The following ACP7 variants were observed in gnomAD, a reference collection of about 807,000 sequenced individuals.
The protein encoded by ACP7 is acid phosphatase type 7.
In ACP7, 58 loss-of-function variants were observed where a neutral mutation model predicts 60.6. The ratio of observed to expected loss-of-function variants is 0.96; its 90% CI spans 0.77 to 1.19. The LOEUF (loss-of-function observed/expected upper bound fraction) is 1.19. Ranked by LOEUF, ACP7 falls within the 50% of genes most tolerant of loss-of-function variation. ACP7 has a pLI of 0.00. For synonymous variants in ACP7, 237 were observed against 232.6 expected (o/e 1.02, Z -0.17); for missense variants, 574 against 596.2 (o/e 0.96, Z 0.39).
chr19:39,084,373 C>A lies in ACP7; in HGVS notation c.-206C>A, dbSNP rs2073116020. 2 of 152,370 alleles carry A rather than the reference C, an allele frequency of 1.3e-5. No homozygotes were observed. The highest frequency in any genetic ancestry group is 2.1e-4 in the South Asian group (1 of 4,848). The allele number at this position is 152,370 out of a possible 1,614,324, so 9.4% of individuals were successfully genotyped here. A position where few individuals can be genotyped will look rare whatever the true frequency, so the allele number is the denominator to read the frequency against. On this transcript the variant is annotated 5_prime_UTR_variant, in exon 1 of 13. Coordinates refer to ENST00000331256, the MANE Select transcript of ACP7 (RefSeq NM_001004318.3). ...GGGGCGGCGCTGGTGGCGGGAGAGG[C>A]GCGTGCGGGCAGCCGGCGCCCCCGA... is the stretch of plus-strand genomic sequence containing the variant.
In ACP7 at chr19:39,099,209, C is replaced by G. The variant is rs1010807381; in HGVS notation, c.505+67C>G. The G allele has an allele frequency of 3.3e-5, 42 of 1,274,836 alleles. No homozygotes were observed. In the Middle Eastern group the frequency reaches 1.2e-3, roughly 36 times the overall value. The allele number at this position is 1,274,836 out of a possible 1,614,324, so 79.0% of individuals were successfully genotyped here. On this transcript the variant is annotated intron_variant, in intron 4 of 12. Transcript: ENST00000331256. ...GCGCGCAGGGATGGTGGGGGGCGCG[C>G]GGGTCGGGGGCGCGCGGGTCGGGGG...
chr19:39,110,221 C>A lies in ACP7; in HGVS notation c.*103C>A. 2 of 1,109,478 alleles carry A rather than the reference C, an allele frequency of 1.8e-6. No individual in the cohort carries two copies. The highest frequency in any genetic ancestry group is 2.7e-6 in the Non-Finnish European group (2 of 744,746). 68.7% of individuals were successfully genotyped at this position (1,109,478 alleles called of 1,614,324 possible). ...TGGGGAGTTGGGTGGGCCCTGACTCCCCTGCCCTCCAGAGGCCCCATGTAG... is the reference window on the plus strand; with the variant it reads ...TGGGGAGTTGGGTGGGCCCTGACTCACCTGCCCTCCAGAGGCCCCATGTAG... On this transcript the variant is annotated 3_prime_UTR_variant, in exon 13 of 13. Coordinates refer to ENST00000331256, the MANE Select transcript of ACP7 (RefSeq NM_001004318.3).
At chr19:39,091,266 G>A (rs1437530230) in intron 2 of ACP7, among the ~76,000 whole-genome samples, 1 of 151,390 alleles carries the variant, frequency 6.6e-6, no homozygotes, top group Non-Finnish European at 1.5e-5. Flanking sequence ...GGGTTCAAGC[G>A]ATTCTCCTGC....
At chr19:39,094,357 G>T (rs1027500945) in intron 2 of ACP7, among the ~76,000 whole-genome samples, 2 of 151,988 alleles carry the variant, frequency 1.3e-5, no homozygotes, top group South Asian at 4.1e-4. Context: ...ACAAAAATTA[G>T]CCGGGCATGG....
chr19:39,098,271 A>G (rs956639057), intron 2 of ACP7, among the ~76,000 whole-genome samples, 187 bp from the exon 3 acceptor site: 4 of 147,770 alleles, frequency 2.7e-5, no homozygotes, highest in Admixed American at 6.7e-5. Flanking sequence ...AAAAAAAAAA[A>G]AAAAAAAAGA....
rs368560663 is a variant in ACP7, at chr19:39,101,365, G to A, written c.1041+10G>A. On this transcript the variant is annotated intron_variant, in intron 10 of 12. Transcript: ENST00000331256. ...AATTTACAACTACCAGGTGAGGCAC[G>A]TGAAGGGCTGAGCGCCCACACAGCT... 15 of 1,614,200 alleles carry A rather than the reference G, an allele frequency of 9.3e-6. No individual in the cohort carries two copies. The highest frequency in any genetic ancestry group is 8.8e-5 in the South Asian group (8 of 91,084).
intron 2 of ACP7, among the ~76,000 whole-genome samples, chr19:39,087,323 T>C (rs915567170): frequency 2.0e-5 from 3 of 152,118 alleles, no homozygotes; most frequent in African/African-American, 7.2e-5. Flanking sequence ...AAAATCTCTT[T>C]AGTATCTGGT....
chr19:39,096,808 TC>T, intron 2 of ACP7, among the ~76,000 whole-genome samples: 1 of 152,292 alleles, frequency 6.6e-6, no homozygotes, highest in Non-Finnish European at 1.5e-5. Context: ...TTTCTTTCTT[TC>T]TTTTTTTGAG....
At chr19:39,102,810 C>T (rs548084086) in intron 11 of ACP7, among the ~76,000 whole-genome samples, 3 of 131,726 alleles carry the variant, frequency 2.3e-5, no homozygotes, top group African/African-American at 8.6e-5. Flanking sequence ...TCTTTCTTTT[C>T]TTCCTCCCTC....
chr19:39,085,278 C>G lies in ACP7; in HGVS notation c.9C>G (p.Pro3=), dbSNP rs752103117. 5.6e-6 allele frequency: 9 copies of G among 1,613,028 alleles called. No homozygotes were observed. The highest frequency in any genetic ancestry group is 4.0e-5 in the African/African-American group (3 of 75,018). The change falls in exon 2 of 13, where the codon CCC becomes CCG. Residue 3 remains proline (P), a synonymous_variant. Coordinates refer to ENST00000331256, the MANE Select transcript of ACP7 (RefSeq NM_001004318.3). The part of the protein sequence containing the change: MH[P]LPGYWSCYCL... The stretch of plus-strand genomic sequence containing the variant: ...ATCACCACCCCACCACCATGCACCC[C>G]CTTCCTGGCTACTGGTCCTGTTACT...
intron 11 of ACP7, among the ~76,000 whole-genome samples, chr19:39,106,388 G>A (rs565295002): frequency 2.0e-3 from 311 of 152,300 alleles, no homozygotes; most frequent in Non-Finnish European, 3.7e-3. Flanking sequence ...ATGGCTTCCA[G>A]TTCAGGGCTT....
rs932833819 is a variant in ACP7, at chr19:39,085,455, G to A, written c.121+65G>A. 4 of 1,524,884 alleles carry A rather than the reference G, an allele frequency of 2.6e-6. No homozygotes were observed. In the African/African-American group the frequency reaches 5.6e-5, roughly 21 times the overall value. The allele number at this position is 1,524,884 out of a possible 1,614,324, so 94.5% of individuals were successfully genotyped here. A position where few individuals can be genotyped will look rare whatever the true frequency, so the allele number is the denominator to read the frequency against. On this transcript the variant is annotated intron_variant, in intron 2 of 12. Transcript: ENST00000331256. ...GGCCCAGCGGTGCTTCGTTGTTTGA[G>A]GGCTCAGGAATCCCACACTGTGAGC...
chr19:39,103,882 C>T (rs141665134), intron 11 of ACP7, among the ~76,000 whole-genome samples: 1,803 of 151,956 alleles, frequency 0.012, 42 homozygotes, highest in African/African-American at 0.039. Context: ...AGGCTGGTCT[C>T]GAATTCCTGG....
chr19:39,108,605 G>T (rs899397019), intron 12 of ACP7, among the ~76,000 whole-genome samples: 1 of 152,110 alleles, frequency 6.6e-6, no homozygotes, highest in East Asian at 1.9e-4. Flanking sequence ...TGTGAGGCAG[G>T]GGAAGATAAA....
chr19:39,091,164 CTT>C (rs111230201), intron 2 of ACP7, among the ~76,000 whole-genome samples: 27 of 139,584 alleles, frequency 1.9e-4, no homozygotes, highest in Non-Finnish European at 1.9e-4. Flanking sequence ...TCTTTTCTTT[CTT>C]TTTTTTTTTT....
At chr19:39,090,039 G>A (rs1188627059) in intron 2 of ACP7, among the ~76,000 whole-genome samples, 2 of 152,138 alleles carry the variant, frequency 1.3e-5, no homozygotes, top group African/African-American at 2.4e-5. Context: ...ACTAATTTTA[G>A]CATCTTGTTA....
At chr19:39,100,500 G>C in intron 5 of ACP7, 80 bp from the exon 6 acceptor site, 1 of 1,602,212 alleles carries the variant, frequency 6.2e-7, no homozygotes, top group Non-Finnish European at 8.6e-7. Context: ...TGGACTCAGG[G>C]CCTGACAGTG....
intron 2 of ACP7, among the ~76,000 whole-genome samples, chr19:39,089,506 G>A (rs899345891): frequency 1.3e-5 from 2 of 152,178 alleles, no homozygotes; most frequent in African/African-American, 2.4e-5. Flanking sequence ...GATTAAAACT[G>A]AGAAATCAAG....
At chr19:39,103,443 T>TTTC in intron 11 of ACP7, among the ~76,000 whole-genome samples, 1 of 16,406 alleles carries the variant, frequency 6.1e-5, no homozygotes, top group African/African-American at 1.2e-4. Context: ...CATCATGTGT[T>TTTC]TTTTTTTTTT....
Sources: gnomAD v4.1 joint callset for allele counts (sites outside exome capture counted in the v4.1 genomes callset) on GRCh38, gnomAD v4.1.1 for gene constraint, MANE v1.5 for transcripts, NCBI Gene and HGNC (gene_info 2026-07-23, HGNC 2026-07-21) for gene names.